Variants in SLTM observed in about 807,000 individuals in gnomAD.
SLTM encodes SAFB-like transcription modulator.
A neutral mutation model predicts 134.6 loss-of-function variants in SLTM; 43 were observed. The ratio of observed to expected loss-of-function variants is 0.32; its 90% confidence interval spans 0.25 to 0.41. SLTM has a LOEUF of 0.41. SLTM is among the 10% of genes least tolerant of loss of function. SLTM has a pLI of 1.00. For synonymous variants in SLTM, 424 were observed against 432.3 expected, an observed-to-expected ratio of 0.98 and a Z score of 0.24; for missense variants, 1,055 against 1,288.8, an observed-to-expected ratio of 0.82 and a Z score of 2.78.
intron 19 of SLTM, among the ~76,000 whole-genome samples, chr15:58,884,670 G>C (rs1315952004): frequency 6.7e-6 from 1 of 150,324 alleles, no homozygotes; most frequent in Non-Finnish European, 1.5e-5. Flanking sequence ...TCACACTGTT[G>C]CCCAGGTTGG....
At position 58,887,091 on chromosome 15, in the gene SLTM, C is replaced by T. The variant is rs1309874434; in HGVS notation, c.2719G>A (p.Glu907Lys). Residue 907 changes from glutamate to lysine, a missense_variant, in exon 19 of 21, where the codon GAA (glutamate) becomes AAA (lysine). Coordinates refer to ENST00000380516, the MANE Select transcript of SLTM (RefSeq NM_024755.4). ...CCTCTCACACTGTGCCCTGATACTT[C>T]TCTCCCAGATCGTTCTGGCCTTTCA... is the stretch of plus-strand genomic sequence containing the variant. ...RVERPERSGR[E>K]VSGHSVRGAP... is the part of the protein sequence containing the mutation. 1 of 1,614,130 alleles carries T rather than the reference C, an allele frequency of 6.2e-7. No homozygotes were observed. Among genetic ancestry groups the T allele is most frequent in the South Asian group, 1.1e-5 (1 of 91,080 alleles).
intron 16 of SLTM, 38 bp from the exon 17 acceptor site, chr15:58,888,593 T>A (rs1453072223): frequency 3.1e-6 from 5 of 1,601,822 alleles, no homozygotes; most frequent in Non-Finnish European, 4.3e-6. Context: ...ATAAATTAGT[T>A]CTACAGTAAT....
At chr15:58,917,201 G>A (rs557580925) in intron 2 of SLTM, among the ~76,000 whole-genome samples, 19 of 152,280 alleles carry the variant, frequency 1.2e-4, no homozygotes, top group South Asian at 4.1e-4. Flanking sequence ...GAAATACACC[G>A]TGCACAGAAT....
intron 9 of SLTM, among the ~76,000 whole-genome samples, chr15:58,896,164 G>A (rs2035062676): frequency 6.6e-6 from 1 of 152,122 alleles, no homozygotes; most frequent in Admixed American, 6.6e-5. Flanking sequence ...CCCCTTAACT[G>A]CCAGAGAAAC....
intron 2 of SLTM, among the ~76,000 whole-genome samples, chr15:58,925,372 C>G (rs1016924667): frequency 6.6e-6 from 1 of 152,188 alleles, no homozygotes. Context: ...GGGTCTTACT[C>G]TATTGCCCAG....
At chr15:58,930,506 C>T (rs2141255798) in intron 2 of SLTM, among the ~76,000 whole-genome samples, 1 of 151,676 alleles carries the variant, frequency 6.6e-6, no homozygotes, top group South Asian at 2.1e-4. Context: ...TCAAGTATAA[C>T]CCATACAAAG....
chr15:58,879,783 G>GA lies in SLTM; in HGVS notation c.*215dup. 1.9e-6 allele frequency: 1 copy of GA among 518,372 alleles called. No individual in the cohort carries two copies. 32.1% of individuals were successfully genotyped at this position (518,372 alleles called of 1,614,324 possible). On this transcript the variant is annotated 3_prime_UTR_variant, in exon 21 of 21. Coordinates refer to ENST00000380516, the MANE Select transcript of SLTM (RefSeq NM_024755.4). ...TTTCAAATGTGCCTCGGTGCTGCAA[G>GA]AAAAAAAGTTGAATGATACACAAAA...
chr15:58,930,124 CT>C (rs141581020), intron 2 of SLTM, among the ~76,000 whole-genome samples: 13 of 146,384 alleles, frequency 8.9e-5, no homozygotes, highest in East Asian at 3.9e-4. Context: ...GTTACAACTT[CT>C]TTTTTTTTTG....
chr15:58,906,831 T>A (rs2035896407), intron 5 of SLTM, among the ~76,000 whole-genome samples: 1 of 152,222 alleles, frequency 6.6e-6, no homozygotes, highest in Admixed American at 6.5e-5. Context: ...CTGAACTAAC[T>A]GCTTGATTTT....
intron 2 of SLTM, among the ~76,000 whole-genome samples, chr15:58,924,080 G>T (rs569126471): frequency 6.6e-6 from 1 of 152,256 alleles, no homozygotes; most frequent in East Asian, 1.9e-4. Context: ...CTCCCAAGGT[G>T]CTGGGATTAG....
At chr15:58,897,878 T>A (rs777687775) in intron 8 of SLTM, 1 of 152,154 alleles carries the variant, frequency 6.6e-6, no homozygotes, top group Non-Finnish European at 1.5e-5. Flanking sequence ...CTGTACTATG[T>A]CACACATAAA....
chr15:58,897,545 G>C (rs575857516), intron 8 of SLTM: 10 of 184,014 alleles, frequency 5.4e-5, no homozygotes, highest in Non-Finnish European at 1.1e-4. Context: ...GAGACAACTA[G>C]GAAGCAGTCA....
chr15:58,926,588 A>G (rs560688016), intron 2 of SLTM, among the ~76,000 whole-genome samples: 1 of 150,864 alleles, frequency 6.6e-6, no homozygotes, highest in Non-Finnish European at 1.5e-5. Flanking sequence ...GGTAATCTTC[A>G]CTTTTTTGTA....
chr15:58,891,162 G>C, intron 14 of SLTM, among the ~76,000 whole-genome samples: 1 of 152,272 alleles, frequency 6.6e-6, no homozygotes, highest in African/African-American at 2.4e-5. Flanking sequence ...CAATGGGTCA[G>C]TACTATTTCT....
At chr15:58,886,945 G>A (rs2034257056) in intron 19 of SLTM, 30 bp downstream of exon 19, 1 of 1,611,422 alleles carries the variant, frequency 6.2e-7, no homozygotes, top group Non-Finnish European at 8.5e-7. Flanking sequence ...TATGTGTGCA[G>A]GCTCGCGGCA....
At chr15:58,912,151 G>A (rs2141117480) in intron 5 of SLTM, among the ~76,000 whole-genome samples, 1 of 150,352 alleles carries the variant, frequency 6.7e-6, no homozygotes, top group South Asian at 2.1e-4. Context: ...CCAGGCTGGA[G>A]TGCAGTGGTG....
intron 2 of SLTM, among the ~76,000 whole-genome samples, chr15:58,918,433 CCTAT>C (rs1215297283): frequency 1.3e-5 from 2 of 152,144 alleles, no homozygotes; most frequent in Non-Finnish European, 2.9e-5. Context: ...CTCGGTAGCT[CCTAT>C]CTGTCATCTA....
chr15:58,919,362 G>A (rs2036863415), intron 2 of SLTM, among the ~76,000 whole-genome samples: 2 of 152,038 alleles, frequency 1.3e-5, no homozygotes, highest in South Asian at 2.1e-4. Flanking sequence ...TGGGAGGCTG[G>A]AGGGGGAGAA....
intron 2 of SLTM, among the ~76,000 whole-genome samples, chr15:58,920,174 G>A (rs568823846): frequency 2.0e-4 from 31 of 152,124 alleles, no homozygotes; most frequent in African/African-American, 6.7e-4. Flanking sequence ...AAAAGTAGCT[G>A]GGCATGGTGG....
Sources: allele counts gnomAD v4.1 joint callset (sites outside exome capture counted in the v4.1 genomes callset), GRCh38; gene constraint gnomAD v4.1.1; transcripts MANE v1.5; gene names NCBI Gene and HGNC (gene_info 2026-07-23, HGNC 2026-07-21).